The following NDUFV2 variants were observed in gnomAD, a reference collection of about 807,000 sequenced individuals.
The protein encoded by NDUFV2 is NADH dehydrogenase [ubiquinone] flavoprotein 2, mitochondrial.
A neutral mutation model predicts 31.6 loss-of-function variants in NDUFV2; 18 were observed. The ratio of observed to expected loss-of-function variants is 0.57; its 90% CI spans 0.39 to 0.84. The LOEUF (loss-of-function observed/expected upper bound fraction) is 0.84, where lower values mean the gene tolerates loss of function less well. Among genes scored for constraint, NDUFV2 ranks in the 40% least tolerant of loss-of-function variants. The pLI, the probability that NDUFV2 is intolerant of heterozygous loss-of-function variation, is 0.00. For synonymous variants in NDUFV2, 83 were observed against 99.8 expected, an observed-to-expected ratio of 0.83 and a Z score of 1.01; for missense variants, 314 against 303.6, an observed-to-expected ratio of 1.03 and a Z score of -0.26.
chr18:9,131,851 A>G (rs1269859692), intron 7 of NDUFV2, among the ~76,000 whole-genome samples: 1 of 152,180 alleles, frequency 6.6e-6, no homozygotes, highest in Non-Finnish European at 1.5e-5. Flanking sequence ...TTGTTTAGTA[A>G]GTGAAAAACA....
chr18:9,113,767 TGCTC>T (rs2077883327), intron 1 of NDUFV2, among the ~76,000 whole-genome samples: 1 of 152,314 alleles, frequency 6.6e-6, no homozygotes, highest in East Asian at 1.9e-4. Flanking sequence ...ACCCCCTGCT[TGCTC>T]AATCGATCAC....
intron 1 of NDUFV2, among the ~76,000 whole-genome samples, chr18:9,113,389 C>A (rs2077881541): frequency 6.6e-6 from 1 of 152,132 alleles, no homozygotes; most frequent in Non-Finnish European, 1.5e-5. Flanking sequence ...TTCTTAAGAA[C>A]TTTGACAGAT....
At chr18:9,129,355 G>A (rs889432775) in intron 7 of NDUFV2, among the ~76,000 whole-genome samples, 1 of 152,038 alleles carries the variant, frequency 6.6e-6, no homozygotes, top group Non-Finnish European at 1.5e-5. Flanking sequence ...TGTCTACTTT[G>A]TTATGTCACA....
intron 2 of NDUFV2, 131 bp from the exon 3 acceptor site, chr18:9,119,195 G>A: frequency 2.7e-6 from 2 of 733,616 alleles, no homozygotes. Context: ...TTGATGGAAG[G>A]ATAGGGTGGT....
At chr18:9,130,419 C>T (rs1390621033) in intron 7 of NDUFV2, among the ~76,000 whole-genome samples, 1 of 152,120 alleles carries the variant, frequency 6.6e-6, no homozygotes, top group Admixed American at 6.6e-5. Context: ...TTATTCGTGT[C>T]CGAATCTCTT....
intron 1 of NDUFV2, among the ~76,000 whole-genome samples, chr18:9,105,455 A>G (rs187953061): frequency 3.3e-5 from 5 of 152,346 alleles, no homozygotes; most frequent in Admixed American, 3.3e-4. Flanking sequence ...GTTATAAATT[A>G]TGGAGTAATA....
chr18:9,102,787 C>A lies in NDUFV2; in HGVS notation c.44C>A (p.Thr15Asn). Reference protein sequence around the residue: ...AALRARAAGLTAHWGRHVRNL... With the variant: ...AALRARAAGLNAHWGRHVRNL... Reference sequence around the variant, plus strand: ...CTCCGGGCCCGGGCGGCTGGCCTCACCGCCCACTGGGTAAGGAGGCTCAAG... The same window carrying A: ...CTCCGGGCCCGGGCGGCTGGCCTCAACGCCCACTGGGTAAGGAGGCTCAAG... Residue 15 changes from threonine (T) to asparagine (N), a missense_variant, in exon 1 of 8, where the codon ACC becomes AAC. Physicochemically the swap from Thr to Asn is moderately conservative, Grantham distance 65. Coordinates refer to ENST00000318388, the MANE Select transcript of NDUFV2 (RefSeq NM_021074.5). 1.9e-6 allele frequency: 3 copies of A among 1,575,230 alleles called. No individual in the cohort carries two copies. Among genetic ancestry groups the A allele is most frequent in the Non-Finnish European group, 2.6e-6 (3 of 1,162,552 alleles).
In NDUFV2 at chr18:9,119,309, CTG is replaced by C. The variant is rs760650004; in HGVS notation, c.121-15_121-14del. On this transcript the variant is annotated splice_polypyrimidine_tract_variant and intron_variant, in intron 2 of 7. Transcript: ENST00000318388. The stretch of plus-strand genomic sequence containing the variant: ...AGAGAATTTGGATAAGTCTGAAAAA[CTG>C]TTTTTGTTGTGTAGCACAGAGATAC... The C allele has an allele frequency of 5.6e-5, 90 of 1,604,946 alleles. No homozygotes were observed. In the East Asian group the frequency reaches 2.0e-3, roughly 35 times the overall value.
At chr18:9,128,683 C>CA (rs2078013676) in intron 7 of NDUFV2, among the ~76,000 whole-genome samples, 1 of 152,124 alleles carries the variant, frequency 6.6e-6, no homozygotes, top group African/African-American at 2.4e-5. Context: ...ACTGTCCCCC[C>CA]AAAAAGTACA....
intron 1 of NDUFV2, chr18:9,103,959 G>A: frequency 1.9e-6 from 1 of 521,062 alleles, no homozygotes; most frequent in Non-Finnish European, 3.3e-6. Flanking sequence ...TTACAGATAA[G>A]GAAAAGATTT....
In NDUFV2 at chr18:9,134,194, GCTTCT is replaced by G. The variant is rs1568199189; in HGVS notation, c.669_673del (p.Phe223LeufsTer2). On this transcript the variant is annotated frameshift_variant, in exon 8 of 8. Transcript: ENST00000318388. LOFTEE classifies it high-confidence loss of function. The stretch of plus-strand genomic sequence containing the variant: ...ATTACTTTTCATTTCAGGAGTGGAC[GCTTCT>G]CTTGTGAGCCAGCTGGAGGTCTTAC... 2 of 1,612,796 alleles carry G rather than the reference GCTTCT, an allele frequency of 1.2e-6. No homozygotes were observed. The highest frequency in any genetic ancestry group is 3.3e-5 in the Admixed American group (2 of 60,012).
intron 5 of NDUFV2, among the ~76,000 whole-genome samples, chr18:9,124,035 AGTTT>A (rs2077963989): frequency 6.6e-6 from 1 of 152,168 alleles, no homozygotes; most frequent in Non-Finnish European, 1.5e-5. Context: ...TGATTTTAGT[AGTTT>A]AATTATTACA....
intron 7 of NDUFV2, among the ~76,000 whole-genome samples, chr18:9,127,925 G>A (rs947083147): frequency 6.6e-6 from 1 of 152,156 alleles, no homozygotes; most frequent in African/African-American, 2.4e-5. Context: ...ATAATACCTA[G>A]ATCTTTTTCT....
chr18:9,125,100 G>A, intron 6 of NDUFV2, 117 bp downstream of exon 6: 1 of 1,115,178 alleles, frequency 9.0e-7, no homozygotes, highest in Non-Finnish European at 1.3e-6. Flanking sequence ...AGAAGAAATG[G>A]TTACCATAAA....
intron 4 of NDUFV2, among the ~76,000 whole-genome samples, chr18:9,120,535 A>G (rs775877238): frequency 2.0e-5 from 3 of 152,226 alleles, no homozygotes; most frequent in Non-Finnish European, 4.4e-5. Context: ...TAATTTGGTT[A>G]TAACTCTTAG....
rs2077948112 is a variant in NDUFV2 at position 9,122,631 on chromosome 18, G to T, written c.419G>T (p.Cys140Phe). 1 of 1,613,836 alleles carries T rather than the reference G, an allele frequency of 6.2e-7. No individual in the cohort carries two copies. The highest frequency in any genetic ancestry group is 1.1e-5 in the South Asian group (1 of 91,078). ...ATTCAGGTCTGCACTACTACACCCT[G>T]CATGCTTCGAAACTCTGACAGCATA... ...YHIQVCTTTPCMLRNSDSILE... is the reference protein window; with the variant it reads ...YHIQVCTTTPFMLRNSDSILE... The change falls in exon 5 of 8, where the codon TGC becomes TTC. Residue 140 changes from cysteine (C) to phenylalanine (F), a missense_variant. Transcript: ENST00000318388.
intron 1 of NDUFV2, chr18:9,104,196 T>C: frequency 6.2e-7 from 1 of 1,611,814 alleles, no homozygotes; most frequent in Non-Finnish European, 8.5e-7. Flanking sequence ...AAGATCGGTA[T>C]GTATGAGAAG....
At chr18:9,131,660 TG>T (rs1326203266) in intron 7 of NDUFV2, among the ~76,000 whole-genome samples, 1 of 152,222 alleles carries the variant, frequency 6.6e-6, no homozygotes, top group African/African-American at 2.4e-5. Flanking sequence ...AATTTGTCTA[TG>T]TAAAGTACTT....
chr18:9,113,917 C>A (rs1236238081), intron 1 of NDUFV2, among the ~76,000 whole-genome samples: 1 of 152,152 alleles, frequency 6.6e-6, no homozygotes, highest in Non-Finnish European at 1.5e-5. Context: ...TTCTCAGTGT[C>A]TGAGGGGTTT....
Sources: gnomAD v4.1 joint callset for allele counts (sites outside exome capture counted in the v4.1 genomes callset) on GRCh38, gnomAD v4.1.1 for gene constraint, MANE v1.5 for transcripts, NCBI Gene and HGNC (gene_info 2026-07-23, HGNC 2026-07-21) for gene names.